SPATA13: variants seen among roughly 807,000 people sequenced by gnomAD.
The protein encoded by SPATA13 is spermatogenesis associated 13.
A neutral mutation model predicts 104.0 loss-of-function variants in SPATA13; 50 were observed. The observed-to-expected ratio is 0.48, with a 90% CI of 0.38 to 0.61. The LOEUF (loss-of-function observed/expected upper bound fraction) is 0.61. Among genes scored for constraint, SPATA13 ranks in the 20% least tolerant of loss-of-function variants. The probability of loss-of-function intolerance (pLI) is 0.00; values close to 1 mark genes in which losing one functional copy is unlikely to be tolerated. For missense variants in SPATA13, 1,524 were observed against 1,690.6 expected (o/e 0.90, Z 1.73); for synonymous variants, 606 against 667.5 (o/e 0.91, Z 1.42).
chr13:24,114,885 C>T (rs1880783915), intron 3 of SPATA13, among the ~76,000 whole-genome samples: 1 of 152,168 alleles, frequency 6.6e-6, no homozygotes, highest in Admixed American at 6.5e-5. Flanking sequence ...TGGTCTCGAA[C>T]TCCTGACCTC....
At chr13:24,074,883 A>G (rs7983198) in intron 3 of SPATA13, among the ~76,000 whole-genome samples, 140,167 of 152,206 alleles carry the variant, frequency 0.92, 64,818 homozygotes, top group South Asian at 0.99. Context: ...AAAGGGAAGT[A>G]AGGCACAGAC....
chr13:24,247,145 C>T (rs1873184560), intron 2 of SPATA13, among the ~76,000 whole-genome samples: 1 of 152,100 alleles, frequency 6.6e-6, no homozygotes, highest in African/African-American at 2.4e-5. Flanking sequence ...GCCTTCAGCT[C>T]AAAATCATTT....
intron 2 of SPATA13, among the ~76,000 whole-genome samples, chr13:24,237,915 C>CAATATATAAACATACATGTTTAAATATGA: frequency 1.4e-5 from 2 of 142,302 alleles, no homozygotes; most frequent in African/African-American, 5.1e-5. Context: ...TTTAAATATG[C>CAATATATAAACATACATGTTTAAATATGA]AATATATAAA....
rs955643409 is a variant in SPATA13 at position 24,223,414 on chromosome 13, C to G, written c.485C>G (p.Ser162Cys). 1.9e-6 allele frequency: 3 copies of G among 1,551,076 alleles called. No homozygotes were observed. The African/African-American group carries it at 4.1e-5, about 21-fold the overall frequency. ...AVPGAQASRG[S>C]PLAPGPACGA... ...CCAGGAGCCCAGGCAAGCAGGGGCT[C>G]CCCCTTAGCACCGGGACCAGCATGT... Residue 162 changes from serine (S) to cysteine (C), a missense_variant, in exon 2 of 13, where the codon TCC becomes TGC. Ser to Cys is a moderately radical substitution (Grantham distance 112, BLOSUM62 -1). Transcript: ENST00000382108.
rs1386704209 is a variant in SPATA13 at position 24,107,829 on chromosome 13, C to T, written c.-112+90128C>T. Among the ~76,000 whole-genome samples the T allele has an allele frequency of 3.3e-5, 5 of 152,282 alleles. No homozygotes were observed. In the East Asian group the frequency reaches 7.7e-4, roughly 23 times the overall value. ...TAAGATGTGTACTGCTCTATCGGCA[C>T]GTTAAATCTAGGTGGTAATTTTTAA... On this transcript the variant is annotated intron_variant, in intron 3 of 14. Transcript: ENST00000424834.
intron 3 of SPATA13, among the ~76,000 whole-genome samples, chr13:24,028,450 C>A (rs1280587202): frequency 6.6e-6 from 1 of 152,190 alleles, no homozygotes; most frequent in African/African-American, 2.4e-5. Context: ...AGATAATATT[C>A]TCCTGACTCC....
intron 3 of SPATA13, among the ~76,000 whole-genome samples, chr13:24,054,718 A>C (rs1165849203): frequency 1.3e-5 from 2 of 152,258 alleles, no homozygotes; most frequent in Admixed American, 1.3e-4. Flanking sequence ...ACCAGTGTGT[A>C]CAGGTTTAAT....
chr13:23,995,138 C>A (rs1875618777), intron 2 of SPATA13, among the ~76,000 whole-genome samples: 2 of 152,126 alleles, frequency 1.3e-5, no homozygotes, highest in African/African-American at 4.8e-5. Context: ...GTTCGGGAAC[C>A]CTGACATCCT....
chr13:24,302,322 C>T lies in SPATA13; in HGVS notation c.3659-276C>T, dbSNP rs537257239. On this transcript the variant is annotated intron_variant, in intron 12 of 12. Coordinates refer to ENST00000382108, the MANE Select transcript of SPATA13 (RefSeq NM_001166271.3). ...CAAAAAAATATAAAAATTAGCTGGG[C>T]GTGGTGGCACACACCTGTAGGTCCA... Among the ~76,000 whole-genome samples, 7 of 151,888 alleles carry T rather than the reference C, an allele frequency of 4.6e-5. No individual in the cohort carries two copies. The South Asian group carries it at 8.3e-4, about 18-fold the overall frequency.
intron 2 of SPATA13, among the ~76,000 whole-genome samples, chr13:24,013,098 A>G (rs922060653): frequency 6.6e-6 from 1 of 152,206 alleles, no homozygotes; most frequent in Admixed American, 6.5e-5. Context: ...GCCCAGAGCC[A>G]GGGTGGGGGG....
chr13:24,085,607 T>C (rs1879693631), intron 3 of SPATA13, among the ~76,000 whole-genome samples: 1 of 152,218 alleles, frequency 6.6e-6, no homozygotes, highest in South Asian at 2.1e-4. Flanking sequence ...ACCACGTGCC[T>C]TCTCTGCATG....
At position 23,996,283 on chromosome 13, in the gene SPATA13, T is replaced by C. The variant is rs146345080; in HGVS notation, c.-147+12350T>C. Among the ~76,000 whole-genome samples, 25 of 151,452 alleles carry C rather than the reference T, an allele frequency of 1.7e-4. 2 individuals carry two copies. In the East Asian group the frequency reaches 4.9e-3, roughly 29 times the overall value. On this transcript the variant is annotated intron_variant, in intron 2 of 14. Transcript: ENST00000424834. ...ACCTTCTAGAGTTTTAACACTAGAG[T>C]TTGCAAATGAGAAGAAAAGATCTAA...
At chr13:24,089,533 A>ACC (rs1455925021) in intron 3 of SPATA13, among the ~76,000 whole-genome samples, 1 of 151,994 alleles carries the variant, frequency 6.6e-6, no homozygotes, top group South Asian at 2.1e-4. Context: ...ATATTACAAA[A>ACC]CCCCTCTGGG....
At chr13:24,090,122 T>G (rs982552354) in intron 3 of SPATA13, among the ~76,000 whole-genome samples, 1 of 152,182 alleles carries the variant, frequency 6.6e-6, no homozygotes, top group Non-Finnish European at 1.5e-5. Context: ...CCTTTATTTT[T>G]TTTTCTTCTA....
chr13:24,113,322 A>C (rs1264012099), intron 3 of SPATA13, among the ~76,000 whole-genome samples: 1 of 152,182 alleles, frequency 6.6e-6, no homozygotes, highest in Admixed American at 6.5e-5. Context: ...TACTTCTGGG[A>C]CCAGGTGCAG....
chr13:24,289,511 A>G (rs1394228220), intron 8 of SPATA13, among the ~76,000 whole-genome samples: 2 of 152,180 alleles, frequency 1.3e-5, no homozygotes, highest in African/African-American at 2.4e-5. Context: ...GGAAGTGTCT[A>G]TTACATTTCA....
intron 4 of SPATA13, among the ~76,000 whole-genome samples, chr13:24,274,867 G>A (rs1385304412): frequency 1.3e-5 from 2 of 152,200 alleles, no homozygotes; most frequent in African/African-American, 4.8e-5. Context: ...TCATTAGCTA[G>A]GCAGTGTTGG....
At chr13:24,032,384 G>T (rs1357331506) in intron 3 of SPATA13, among the ~76,000 whole-genome samples, 1 of 152,206 alleles carries the variant, frequency 6.6e-6, no homozygotes, top group African/African-American at 2.4e-5. Context: ...GATGTAACAA[G>T]TGTCATGGGA....
At chr13:24,221,119 A>T (rs1017931470) in intron 1 of SPATA13, among the ~76,000 whole-genome samples, 3 of 152,150 alleles carry the variant, frequency 2.0e-5, no homozygotes, top group Admixed American at 2.0e-4. Context: ...ACAGATGCCC[A>T]TTGTGCTTCT....
Sources: allele counts gnomAD v4.1 joint callset (sites outside exome capture counted in the v4.1 genomes callset), GRCh38; gene constraint gnomAD v4.1.1; transcripts MANE v1.5; gene names NCBI Gene and HGNC (gene_info 2026-07-23, HGNC 2026-07-21).